PTPRD: variants seen among roughly 807,000 people sequenced by gnomAD.
PTPRD encodes protein tyrosine phosphatase receptor type D.
A neutral mutation model predicts 214.5 loss-of-function variants in PTPRD; 34 were observed. That is an observed-to-expected ratio of 0.16 (90% confidence interval 0.12 to 0.21). The LOEUF (loss-of-function observed/expected upper bound fraction) is 0.21. Among genes scored for constraint, PTPRD ranks in the 10% least tolerant of loss-of-function variants. The pLI is 1.00. For missense variants in PTPRD, 2,545 were observed against 2,398.7 expected, an observed-to-expected ratio of 1.06 and a Z score of -1.27; for synonymous variants, 1,128 against 845.7, an observed-to-expected ratio of 1.33 and a Z score of -5.79.
chr9:8,924,768 A>G lies in PTPRD; in HGVS notation c.-104+93929T>C, dbSNP rs186623450. On this transcript the variant is annotated intron_variant, in intron 11 of 45. Coordinates refer to ENST00000381196, the MANE Select transcript of PTPRD (RefSeq NM_002839.4). ...TTCTGGCCATTCAGTAGGGCTTGGCATGAGTCAGCCACCCAGATGTGAACT... is the reference window on the plus strand; with the variant it reads ...TTCTGGCCATTCAGTAGGGCTTGGCGTGAGTCAGCCACCCAGATGTGAACT... 3.7e-3 allele frequency among the ~76,000 whole-genome samples: 558 copies of G among 152,256 alleles called. 4 individuals carry two copies. The highest frequency in any genetic ancestry group is 0.013 in the African/African-American group (537 of 41,544).
intron 10 of PTPRD, among the ~76,000 whole-genome samples, chr9:9,069,177 T>A (rs1449694122): frequency 6.6e-6 from 1 of 152,236 alleles, no homozygotes; most frequent in Admixed American, 6.5e-5. Flanking sequence ...AGACAAGAAC[T>A]AATTTAGTGA....
At chr9:10,088,115 G>C (rs776860018) in intron 3 of PTPRD, among the ~76,000 whole-genome samples, 2 of 151,682 alleles carry the variant, frequency 1.3e-5, no homozygotes, top group African/African-American at 4.8e-5. Flanking sequence ...TGTCTAGTTT[G>C]TAGTAAGAAA....
At chr9:9,026,620 A>AAGTTCAT (rs1285489452) in intron 10 of PTPRD, among the ~76,000 whole-genome samples, 1 of 151,862 alleles carries the variant, frequency 6.6e-6, no homozygotes, top group Non-Finnish European at 1.5e-5. Context: ...TTTAAGCCCG[A>AAGTTCAT]AGTTCATTCC....
chr9:9,892,845 A>G (rs1428701055), intron 5 of PTPRD, among the ~76,000 whole-genome samples: 4 of 152,122 alleles, frequency 2.6e-5, no homozygotes, highest in African/African-American at 9.7e-5. Context: ...AAAGACTTAA[A>G]GAGGTACTGG....
At position 8,653,996 on chromosome 9, in the gene PTPRD, C is replaced by G. The variant is rs537247280; in HGVS notation, c.65-17152G>C. 8.5e-5 allele frequency among the ~76,000 whole-genome samples: 13 copies of G among 152,280 alleles called. No individual in the cohort carries two copies. The South Asian group carries it at 2.5e-3, about 29-fold the overall frequency. On this transcript the variant is annotated intron_variant, in intron 12 of 45. Transcript: ENST00000381196. Reference sequence around the variant, plus strand: ...CTTCCCCTTAAAACAGGGCCTTTCACTACTGACATTTTGGGTCAGACTATT... The same window carrying G: ...CTTCCCCTTAAAACAGGGCCTTTCAGTACTGACATTTTGGGTCAGACTATT...
At chr9:9,457,141 G>GA (rs2093123593) in intron 8 of PTPRD, among the ~76,000 whole-genome samples, 1 of 151,902 alleles carries the variant, frequency 6.6e-6, no homozygotes, top group African/African-American at 2.4e-5. Flanking sequence ...GTACAAGGGA[G>GA]CAAAGGAAGA....
At chr9:9,609,782 C>T (rs1477441950) in intron 7 of PTPRD, among the ~76,000 whole-genome samples, 1 of 152,122 alleles carries the variant, frequency 6.6e-6, no homozygotes, top group African/African-American at 2.4e-5. Context: ...CTTTCATAAG[C>T]TTGAACTCTC....
chr9:8,838,062 A>G (rs1429382978), intron 11 of PTPRD, among the ~76,000 whole-genome samples: 1 of 152,196 alleles, frequency 6.6e-6, no homozygotes, highest in Non-Finnish European at 1.5e-5. Context: ...ACAAGAAAGC[A>G]CCAAAGAAAA....
intron 2 of PTPRD, among the ~76,000 whole-genome samples, chr9:10,448,711 A>G (rs1035304225): frequency 3.3e-5 from 5 of 151,996 alleles, no homozygotes; most frequent in Non-Finnish European, 7.3e-5. Flanking sequence ...AACTTGGCCA[A>G]GGAGCCAGCC....
rs1413029691 is a variant in PTPRD at position 8,518,146 on chromosome 9, T to C, written c.1245A>G (p.Gln415=). Residue 415 remains glutamine (Q), a synonymous_variant, in exon 21 of 46, where the codon CAA becomes CAG. Coordinates refer to ENST00000381196, the MANE Select transcript of PTPRD (RefSeq NM_002839.4). ...CATCCCTCGGGGCACTGGATGGTGC[T>C]TGCTCTGAGGTTTGTGTTAGCACAG... ...SEPVLTQTSE[Q]APSSAPRDVQ... 6.2e-7 allele frequency: 1 copy of C among 1,614,052 alleles called. No homozygotes were observed. Among genetic ancestry groups the C allele is most frequent in the Non-Finnish European group, 8.5e-7 (1 of 1,180,034 alleles).
intron 2 of PTPRD, among the ~76,000 whole-genome samples, chr9:10,448,280 G>A (rs1285342518): frequency 6.6e-6 from 1 of 151,942 alleles, no homozygotes; most frequent in African/African-American, 2.4e-5. Context: ...GTGATAGCCT[G>A]GCTCTTGAGA....
At chr9:9,266,049 T>A (rs1939414625) in intron 9 of PTPRD, among the ~76,000 whole-genome samples, 1 of 151,468 alleles carries the variant, frequency 6.6e-6, no homozygotes, top group African/African-American at 2.4e-5. Flanking sequence ...AGATATTGTA[T>A]GCAAATAAAA....
At chr9:8,785,782 A>C (rs970950227) in intron 11 of PTPRD, among the ~76,000 whole-genome samples, 1 of 152,248 alleles carries the variant, frequency 6.6e-6, no homozygotes, top group African/African-American at 2.4e-5. Context: ...GCTTCAAACT[A>C]GGGTAGCTGA....
intron 3 of PTPRD, among the ~76,000 whole-genome samples, chr9:10,199,730 C>G (rs1362533604): frequency 6.6e-6 from 1 of 151,922 alleles, no homozygotes; most frequent in Non-Finnish European, 1.5e-5. Context: ...AATTTCCAAC[C>G]CACCCAAGTC....
chr9:8,859,007 G>A (rs1403372958), intron 11 of PTPRD, among the ~76,000 whole-genome samples: 1 of 152,204 alleles, frequency 6.6e-6, no homozygotes, highest in East Asian at 1.9e-4. Flanking sequence ...AGGAAAAAAT[G>A]CTGGTCGCGC....
intron 14 of PTPRD, among the ~76,000 whole-genome samples, chr9:8,552,885 C>T (rs896032876): frequency 1.3e-5 from 2 of 152,144 alleles, no homozygotes; most frequent in Non-Finnish European, 2.9e-5. Context: ...CCACGACTGC[C>T]GCTGTGTGAC....
chr9:8,419,777 T>A (rs1219924450), intron 35 of PTPRD, among the ~76,000 whole-genome samples: 1 of 152,056 alleles, frequency 6.6e-6, no homozygotes, highest in Non-Finnish European at 1.5e-5. Flanking sequence ...CAGGGAAGCA[T>A]AATAGAGAAC....
Position 10,107,128 on chromosome 9 carries a change from T to A in PTPRD, c.-544-73338A>T, listed in dbSNP as rs542120503. ...GGTTTCATGGAAGAACATATAAATT[T>A]ACCTTTGAAACATTAAGACTAATGG... is the stretch of plus-strand genomic sequence containing the variant. On this transcript the variant is annotated intron_variant, in intron 3 of 45. Transcript: ENST00000381196. Among the ~76,000 whole-genome samples, 69 of 152,140 alleles carry A rather than the reference T, an allele frequency of 4.5e-4. 1 individual carries two copies. Among genetic ancestry groups the A allele is most frequent in the African/African-American group, 1.6e-3 (66 of 41,556 alleles).
intron 11 of PTPRD, among the ~76,000 whole-genome samples, chr9:8,752,126 G>A (rs2093596970): frequency 6.6e-6 from 1 of 152,270 alleles, no homozygotes; most frequent in Non-Finnish European, 1.5e-5. Context: ...AAGGGGCTGG[G>A]TAAAATGAGG....
Sources: allele counts gnomAD v4.1 joint callset (sites outside exome capture counted in the v4.1 genomes callset), GRCh38; gene constraint gnomAD v4.1.1; transcripts MANE v1.5; gene names NCBI Gene and HGNC (gene_info 2026-07-23, HGNC 2026-07-21).